RIMS2: variants seen among roughly 807,000 people sequenced by gnomAD.
RIMS2 encodes the protein regulating synaptic membrane exocytosis 2.
RIMS2 carries 59 observed loss-of-function variants against 174.4 expected under a neutral mutation model. That is an observed-to-expected ratio of 0.34 (90% confidence interval 0.27 to 0.42). The LOEUF (loss-of-function observed/expected upper bound fraction) is 0.42. RIMS2 is among the 10% of genes least tolerant of loss of function. RIMS2 has a pLI of 1.00. For missense variants in RIMS2, 1,620 were observed against 1,666.3 expected (o/e 0.97, Z 0.48); for synonymous variants, 606 against 572.5 (o/e 1.06, Z -0.84).
intron 19 of RIMS2, among the ~76,000 whole-genome samples, chr8:104,168,628 A>G (rs988322483): frequency 3.3e-5 from 5 of 151,886 alleles, no homozygotes; most frequent in Non-Finnish European, 7.4e-5. Context: ...CCTCTTTTCC[A>G]ATTCAAATGC....
intron 20 of RIMS2, among the ~76,000 whole-genome samples, chr8:104,247,401 C>T (rs2099341322): frequency 6.6e-6 from 1 of 152,166 alleles, no homozygotes; most frequent in Non-Finnish European, 1.5e-5. Context: ...TGCTTATCTA[C>T]TCCTGGTGTC....
At chr8:103,603,142 C>T (rs1157722059) in intron 1 of RIMS2, among the ~76,000 whole-genome samples, 1 of 107,862 alleles carries the variant, frequency 9.3e-6, no homozygotes, top group African/African-American at 3.6e-5. Context: ...TGCTATCCCT[C>T]CCCCCTCCCC....
chr8:104,155,660 G>A (rs550270334), intron 19 of RIMS2, among the ~76,000 whole-genome samples: 3 of 151,798 alleles, frequency 2.0e-5, no homozygotes, highest in East Asian at 1.9e-4. Context: ...TGATCCACCC[G>A]CCTCGGCCTC....
intron 1 of RIMS2, among the ~76,000 whole-genome samples, chr8:103,627,598 T>G (rs1021738166): frequency 6.6e-6 from 1 of 152,236 alleles, no homozygotes; most frequent in Non-Finnish European, 1.5e-5. Context: ...GGGGAACTGA[T>G]AAATGTCCAT....
At chr8:103,608,640 G>A (rs1271868626) in intron 1 of RIMS2, among the ~76,000 whole-genome samples, 6 of 151,406 alleles carry the variant, frequency 4.0e-5, no homozygotes, top group South Asian at 2.1e-4. Flanking sequence ...AGCAATCAGC[G>A]AGACTCCGTG....
At chr8:103,702,272 A>C (rs2097175832) in intron 2 of RIMS2, among the ~76,000 whole-genome samples, 1 of 151,726 alleles carries the variant, frequency 6.6e-6, no homozygotes, top group Non-Finnish European at 1.5e-5. Flanking sequence ...TCCATTTTTA[A>C]ATCTGATTAT....
In RIMS2 at chr8:103,816,039, A is replaced by G. The variant is rs531821555; in HGVS notation, c.698+49502A>G. Among the ~76,000 whole-genome samples, 403 of 152,304 alleles carry G rather than the reference A, an allele frequency of 2.6e-3. 2 individuals carry two copies. The highest frequency in any genetic ancestry group is 4.5e-3 in the Non-Finnish European group (303 of 68,012). ...ACCATGTTCTTTCTGTTCTGACAGA[A>G]GTCTCCAATATTTATGTTACATGTG... On this transcript the variant is annotated intron_variant, in intron 3 of 23. Transcript: ENST00000504942.
At chr8:104,035,559 C>T (rs926191289) in intron 19 of RIMS2, among the ~76,000 whole-genome samples, 2 of 149,568 alleles carry the variant, frequency 1.3e-5, no homozygotes, top group Admixed American at 6.6e-5. Flanking sequence ...TAAAATGTAT[C>T]TTTAGGAAAA....
At chr8:104,043,760 G>C (rs543403701) in intron 19 of RIMS2, among the ~76,000 whole-genome samples, 18 of 151,712 alleles carry the variant, frequency 1.2e-4, no homozygotes, top group African/African-American at 3.9e-4. Context: ...TTCAAGGAGT[G>C]AGTTTCCAAG....
At chr8:103,737,175 C>CTTT (rs554949027) in intron 2 of RIMS2, among the ~76,000 whole-genome samples, 7 of 67,510 alleles carry the variant, frequency 1.0e-4, no homozygotes, top group Non-Finnish European at 1.5e-4. Flanking sequence ...TTTCTTTGTT[C>CTTT]TTTTTTTTTT....
intron 1 of RIMS2, among the ~76,000 whole-genome samples, chr8:103,660,413 T>C (rs2096584589): frequency 6.6e-6 from 1 of 152,220 alleles, no homozygotes; most frequent in African/African-American, 2.4e-5. Context: ...AGGTGCCATC[T>C]CTACCTCTGA....
chr8:103,781,583 C>T (rs1273565561), intron 3 of RIMS2, among the ~76,000 whole-genome samples: 2 of 151,950 alleles, frequency 1.3e-5, no homozygotes, highest in East Asian at 1.9e-4. Flanking sequence ...TTTTAAAAAA[C>T]GGTTCAAAAT....
chr8:103,977,748 C>G (rs900255787), intron 16 of RIMS2, among the ~76,000 whole-genome samples: 1 of 152,204 alleles, frequency 6.6e-6, no homozygotes, highest in African/African-American at 2.4e-5. Flanking sequence ...GTTTCCATAG[C>G]CCCTCTCCTT....
At chr8:104,193,890 A>T (rs1177270279) in intron 19 of RIMS2, among the ~76,000 whole-genome samples, 2 of 152,140 alleles carry the variant, frequency 1.3e-5, no homozygotes, top group Non-Finnish European at 2.9e-5. Flanking sequence ...CCTTCTTTGA[A>T]TCGAGACATT....
chr8:103,791,511 A>G (rs1261622278), intron 3 of RIMS2, among the ~76,000 whole-genome samples: 1 of 152,190 alleles, frequency 6.6e-6, no homozygotes, highest in Admixed American at 6.5e-5. Flanking sequence ...AACTGCATCA[A>G]CTAACGAGCA....
intron 2 of RIMS2, among the ~76,000 whole-genome samples, chr8:103,746,217 C>T (rs890105754): frequency 1.1e-4 from 16 of 152,112 alleles, no homozygotes; most frequent in African/African-American, 3.9e-4. Flanking sequence ...TCCAATTGAA[C>T]GATCTTGGCT....
chr8:104,211,022 G>A (rs80050939), intron 19 of RIMS2, among the ~76,000 whole-genome samples: 5,109 of 152,102 alleles, frequency 0.034, 191 homozygotes, highest in East Asian at 0.14. Context: ...CTTCAGCTGA[G>A]GACCTAGATT....
chr8:103,984,732 A>G (rs2094207629), intron 16 of RIMS2, among the ~76,000 whole-genome samples: 1 of 152,222 alleles, frequency 6.6e-6, no homozygotes, highest in Admixed American at 6.5e-5. Flanking sequence ...CGGTATATCA[A>G]AGGCATATTT....
At chr8:103,850,174 T>A (rs1350937641) in intron 3 of RIMS2, among the ~76,000 whole-genome samples, 3 of 152,028 alleles carry the variant, frequency 2.0e-5, no homozygotes, top group Non-Finnish European at 4.4e-5. Context: ...TAAGGTAATA[T>A]TCCTAATCTA....
Sources: gnomAD v4.1 joint callset for allele counts (sites outside exome capture counted in the v4.1 genomes callset) on GRCh38, gnomAD v4.1.1 for gene constraint, MANE v1.5 for transcripts, NCBI Gene and HGNC (gene_info 2026-07-23, HGNC 2026-07-21) for gene names.